Variants in GIPC2 observed in about 807,000 individuals in gnomAD.
The protein encoded by GIPC2 is GIPC PDZ domain containing family member 2, also known as PDZ domain-containing protein GIPC2.
Under a neutral mutation model 30.6 loss-of-function variants are expected in GIPC2, and 30 were observed. The observed-to-expected ratio is 0.98, with a 90% CI of 0.73 to 1.33. The LOEUF is 1.33. Ranked by LOEUF, GIPC2 falls within the 40% of genes most tolerant of loss-of-function variation. The pLI is 0.00. For synonymous variants in GIPC2, 167 were observed against 150.0 expected (o/e 1.11, Z -0.83); for missense variants, 414 against 390.3 (o/e 1.06, Z -0.51).
At chr1:78,068,201 C>T (rs1661555787) in intron 1 of GIPC2, among the ~76,000 whole-genome samples, 1 of 151,822 alleles carries the variant, frequency 6.6e-6, no homozygotes, top group African/African-American at 2.4e-5. Flanking sequence ...GTACCTGTGA[C>T]AGAATTTGTT....
At chr1:78,111,943 T>C (rs1188131925) in intron 3 of GIPC2, among the ~76,000 whole-genome samples, 2 of 152,230 alleles carry the variant, frequency 1.3e-5, no homozygotes, top group Non-Finnish European at 2.9e-5. Context: ...CTAATTTTCT[T>C]ATAAGTAATC....
intron 3 of GIPC2, among the ~76,000 whole-genome samples, chr1:78,115,106 C>G (rs6666647): frequency 1.3e-5 from 2 of 152,020 alleles, no homozygotes; most frequent in East Asian, 3.9e-4. Flanking sequence ...GATGATACAA[C>G]CTTTATGAAG....
intron 2 of GIPC2, among the ~76,000 whole-genome samples, chr1:78,084,347 C>G (rs1046682189): frequency 4.6e-5 from 7 of 151,998 alleles, no homozygotes; most frequent in East Asian, 1.9e-4. Flanking sequence ...AACTCCATCT[C>G]TACTAAAAAT....
chr1:78,056,905 G>A (rs376663995), intron 1 of GIPC2, among the ~76,000 whole-genome samples: 9 of 152,040 alleles, frequency 5.9e-5, no homozygotes, highest in East Asian at 3.9e-4. Flanking sequence ...ATTCCCCTTC[G>A]TCTTGTTCTC....
chr1:78,085,123 G>A (rs936111697), intron 2 of GIPC2, among the ~76,000 whole-genome samples: 1 of 152,168 alleles, frequency 6.6e-6, no homozygotes, highest in African/African-American at 2.4e-5. Flanking sequence ...CTAGTTTGAT[G>A]AGAGTTTTTA....
chr1:78,131,366 G>C (rs1032251783), intron 5 of GIPC2, among the ~76,000 whole-genome samples: 1 of 151,778 alleles, frequency 6.6e-6, no homozygotes, highest in African/African-American at 2.4e-5. Context: ...TTGCCACCAC[G>C]ACCAGCTAAT....
At chr1:78,106,061 C>T (rs926023521) in intron 3 of GIPC2, among the ~76,000 whole-genome samples, 6 of 150,454 alleles carry the variant, frequency 4.0e-5, no homozygotes, top group African/African-American at 1.5e-4. Context: ...TGGTGAAATC[C>T]CCTCTCTACT....
chr1:78,047,205 G>A (rs1480837505), intron 1 of GIPC2, among the ~76,000 whole-genome samples: 1 of 152,244 alleles, frequency 6.6e-6, no homozygotes, highest in East Asian at 1.9e-4. Flanking sequence ...AAAGGTAGGT[G>A]TGAAAAGTTA....
intron 3 of GIPC2, among the ~76,000 whole-genome samples, chr1:78,117,063 T>C (rs1002066256): frequency 5.3e-5 from 8 of 152,342 alleles, no homozygotes; most frequent in African/African-American, 1.7e-4. Flanking sequence ...TGTGAGATGG[T>C]ATCTCATGGT....
intron 2 of GIPC2, among the ~76,000 whole-genome samples, chr1:78,093,273 C>G (rs1322575296): frequency 1.3e-5 from 2 of 152,038 alleles, no homozygotes; most frequent in African/African-American, 4.8e-5. Flanking sequence ...TTTTCTATGA[C>G]AGTTGAGAAA....
chr1:78,095,802 T>A (rs1662127055), intron 3 of GIPC2, among the ~76,000 whole-genome samples: 1 of 152,180 alleles, frequency 6.6e-6, no homozygotes, highest in South Asian at 2.1e-4. Context: ...GGCCTAGCAT[T>A]CATCAGCGTT....
In GIPC2 at chr1:78,046,105, A is replaced by G. The variant is rs2102629701; in HGVS notation, c.11A>G (p.Lys4Arg). 1 of 1,472,368 alleles carries G rather than the reference A, an allele frequency of 6.8e-7. No individual in the cohort carries two copies. Among genetic ancestry groups the G allele is most frequent in the Non-Finnish European group, 9.0e-7 (1 of 1,116,244 alleles). 91.2% of individuals were successfully genotyped at this position (1,472,368 alleles called of 1,614,324 possible). Residue 4 changes from lysine to arginine, a missense_variant, in exon 1 of 6, where the codon AAG (lysine) becomes AGG (arginine). Lys to Arg is a conservative substitution (Grantham distance 26). Transcript: ENST00000370759. MPL[K>R]LRGKKKAKSK... is the part of the protein sequence containing the mutation. ...TCTCGGCCCTGCAAGATGCCCCTGAAGCTGCGGGGGAAGAAGAAGGCCAAG... is the reference window on the plus strand; with the variant it reads ...TCTCGGCCCTGCAAGATGCCCCTGAGGCTGCGGGGGAAGAAGAAGGCCAAG...
At chr1:78,120,295 G>C (rs1571523712) in intron 4 of GIPC2, among the ~76,000 whole-genome samples, 1 of 152,098 alleles carries the variant, frequency 6.6e-6, no homozygotes, top group Non-Finnish European at 1.5e-5. Context: ...TCTCCTTGCT[G>C]TTCCCAAACA....
In GIPC2 at chr1:78,080,705, A is replaced by AT. The variant is rs1190040710; in HGVS notation, c.273dup (p.Asp92Ter). 6.2e-7 allele frequency: 1 copy of AT among 1,608,138 alleles called. No homozygotes were observed. The highest frequency in any genetic ancestry group is 1.1e-5 in the South Asian group (1 of 90,346). ...ATATTGCACTTTAAACACACCTAAA[A>AT]TTGACATGGAAAGACTCTTAGGAGG... On this transcript the variant is annotated frameshift_variant, in exon 2 of 6. Transcript: ENST00000370759. LOFTEE classifies it high-confidence loss of function.
chr1:78,097,473 G>A (rs956036640), intron 3 of GIPC2, among the ~76,000 whole-genome samples: 2 of 152,212 alleles, frequency 1.3e-5, no homozygotes, highest in African/African-American at 2.4e-5. Flanking sequence ...TTAGCCTGGA[G>A]AGGCATGTGG....
chr1:78,112,550 C>T, intron 3 of GIPC2: 1 of 518,988 alleles, frequency 1.9e-6, no homozygotes, highest in Non-Finnish European at 3.8e-6. Flanking sequence ...AACCAGGGCT[C>T]TCATGGGACC....
chr1:78,078,187 CAAAAAAAAAAAAA>C (rs10694093), intron 1 of GIPC2, among the ~76,000 whole-genome samples: 1 of 65,108 alleles, frequency 1.5e-5, no homozygotes, highest in East Asian at 5.5e-4. Flanking sequence ...GACTCCATCT[CAAAAAAAAAAAAA>C]AAAAAAAAAA....
intron 3 of GIPC2, among the ~76,000 whole-genome samples, chr1:78,103,507 A>G (rs541186310): frequency 3.3e-5 from 5 of 152,360 alleles, no homozygotes; most frequent in African/African-American, 4.8e-5. Flanking sequence ...CTGACTTAAT[A>G]ATCCTCATGC....
intron 2 of GIPC2, 56 bp from the exon 3 acceptor site, chr1:78,094,896 G>T: frequency 8.3e-7 from 1 of 1,206,620 alleles, no homozygotes; most frequent in Non-Finnish European, 1.2e-6. Flanking sequence ...AGATGAGATT[G>T]GTGCATTCAT....
Sources: allele counts gnomAD v4.1 joint callset (sites outside exome capture counted in the v4.1 genomes callset), GRCh38; gene constraint gnomAD v4.1.1; transcripts MANE v1.5; gene names NCBI Gene and HGNC (gene_info 2026-07-23, HGNC 2026-07-21).